Variants in ZNF141 observed in about 807,000 individuals in gnomAD.
ZNF141 encodes zinc finger protein 141.
In ZNF141, 7 loss-of-function variants were observed where a neutral mutation model predicts 11.3. The ratio of observed to expected loss-of-function variants is 0.62; its 90% confidence interval spans 0.35 to 1.16. The LOEUF is 1.16. Ranked by LOEUF, ZNF141 falls within the 50% of genes most tolerant of loss-of-function variation. The pLI is 0.02. For missense variants in ZNF141, 535 were observed against 554.0 expected (o/e 0.97, Z 0.34); for synonymous variants, 183 against 190.7 (o/e 0.96, Z 0.33).
intron 3 of ZNF141, among the ~76,000 whole-genome samples, chr4:349,205 A>G (rs73066317): frequency 0.063 from 9,552 of 152,084 alleles, 491 homozygotes; most frequent in African/African-American, 0.14. Flanking sequence ...AGCCCAAGGC[A>G]GTTGTATCAT....
chr4:381,730 C>T lies in ZNF141; in HGVS notation c.*7868C>T, dbSNP rs1348742552. ...TCAAATATGCTTTCTTAGTACTCCA[C>T]ATTTATGCAGCCATCTGGGAAGAAA... is the stretch of plus-strand genomic sequence containing the variant. On this transcript the variant is annotated 3_prime_UTR_variant, in exon 4 of 4. Coordinates refer to ENST00000240499, the MANE Select transcript of ZNF141 (RefSeq NM_003441.4). Among the ~76,000 whole-genome samples, 1 of 151,798 alleles carries T rather than the reference C, an allele frequency of 6.6e-6. No individual in the cohort carries two copies. The highest frequency in any genetic ancestry group is 1.5e-5 in the Non-Finnish European group (1 of 67,942).
intron 3 of ZNF141, among the ~76,000 whole-genome samples, chr4:354,529 TTTATC>T (rs1721759201): frequency 6.6e-6 from 1 of 152,166 alleles, no homozygotes; most frequent in Non-Finnish European, 1.5e-5. Flanking sequence ...TTCTGTGCCT[TTTATC>T]TTTTTTGTTG....
rs1173490433 is a variant in ZNF141, at chr4:375,906, G to C, written c.*2044G>C. On this transcript the variant is annotated 3_prime_UTR_variant, in exon 4 of 4. Coordinates refer to ENST00000240499, the MANE Select transcript of ZNF141 (RefSeq NM_003441.4). ...TCCATGATGAAAATCTAGCAGAGAG[G>C]CTTTTTTGTAGTTGACAATATTGAG... Among the ~76,000 whole-genome samples, 5 of 151,956 alleles carry C rather than the reference G, an allele frequency of 3.3e-5. No individual in the cohort carries two copies. Among genetic ancestry groups the C allele is most frequent in the African/African-American group, 1.2e-4 (5 of 41,398 alleles).
chr4:361,089 A>G (rs61792154), intron 3 of ZNF141, among the ~76,000 whole-genome samples: 39,814 of 152,140 alleles, frequency 0.26, 5,260 homozygotes, highest in Middle Eastern at 0.36. Context: ...GATGAAAAAC[A>G]TAAAATTGCC....
At chr4:363,312 C>T (rs1444928786) in intron 3 of ZNF141, among the ~76,000 whole-genome samples, 2 of 152,190 alleles carry the variant, frequency 1.3e-5, no homozygotes, top group Non-Finnish European at 2.9e-5. Context: ...ATCATGTCAT[C>T]TGCAAACAGG....
At chr4:362,733 C>G (rs930764562) in intron 3 of ZNF141, among the ~76,000 whole-genome samples, 6 of 152,128 alleles carry the variant, frequency 3.9e-5, no homozygotes, top group African/African-American at 1.4e-4. Flanking sequence ...TTCCATTGGT[C>G]TATATCTCTG....
In ZNF141 at chr4:375,962, T is replaced by G. The variant is rs1293451610; in HGVS notation, c.*2100T>G. Reference sequence around the variant, plus strand: ...CATGAGGTAGGTGTTCAGAGTAATATTCTTCTGCATTATAGTGAGAGAAAA... The same window carrying G: ...CATGAGGTAGGTGTTCAGAGTAATAGTCTTCTGCATTATAGTGAGAGAAAA... On this transcript the variant is annotated 3_prime_UTR_variant, in exon 4 of 4. Transcript: ENST00000240499. 2.0e-5 allele frequency among the ~76,000 whole-genome samples: 3 copies of G among 152,094 alleles called. No homozygotes were observed. Among genetic ancestry groups the G allele is most frequent in the Non-Finnish European group, 4.4e-5 (3 of 67,928 alleles).
chr4:345,768 G>C (rs73792145), intron 3 of ZNF141, among the ~76,000 whole-genome samples: 3 of 139,472 alleles, frequency 2.2e-5, no homozygotes, highest in Non-Finnish European at 4.7e-5. Context: ...AAAAATTTTT[G>C]TGATATCCTC....
intron 2 of ZNF141, 76 bp downstream of exon 2, chr4:343,984 G>A (rs1242319578): frequency 1.9e-6 from 3 of 1,539,504 alleles, no homozygotes; most frequent in Non-Finnish European, 2.6e-6. Flanking sequence ...TTTCTCCTGG[G>A]AACTTTTATG....
At chr4:352,647 C>T (rs1412739999) in intron 3 of ZNF141, among the ~76,000 whole-genome samples, 3 of 152,108 alleles carry the variant, frequency 2.0e-5, no homozygotes, top group Non-Finnish European at 2.9e-5. Flanking sequence ...GCGTTTCTTG[C>T]GGATCACAAA....
In ZNF141 at chr4:369,764, A is replaced by AT. The variant is rs34509477; in HGVS notation, c.227-2880dup. On this transcript the variant is annotated intron_variant, in intron 3 of 3. Coordinates refer to ENST00000240499, the MANE Select transcript of ZNF141 (RefSeq NM_003441.4). ...TATATATATATATATATATATATATATTTTTTTTTTTTTTTTTTTTGAGAG... is the reference window on the plus strand; with the variant it reads ...TATATATATATATATATATATATATATTTTTTTTTTTTTTTTTTTTTGAGAG... 2.4e-3 allele frequency among the ~76,000 whole-genome samples: 119 copies of AT among 48,730 alleles called. 10 individuals are homozygous for AT. Among genetic ancestry groups the AT allele is most frequent in the Non-Finnish European group, 2.2e-3 (72 of 32,500 alleles). 32.0% of individuals were successfully genotyped at this position (48,730 alleles called of 152,430 possible).
intron 1 of ZNF141, among the ~76,000 whole-genome samples, chr4:341,108 G>A (rs548185289): frequency 1.3e-5 from 2 of 149,096 alleles, no homozygotes; most frequent in East Asian, 3.9e-4. Context: ...TCGCTCTGTC[G>A]CCAGGCTGGG....
Position 373,400 on chromosome 4 carries a change from T to C in ZNF141, c.963T>C (p.Asn321=). The change falls in exon 4 of 4, where the codon AAT becomes AAC. Residue 321 remains asparagine (N), a synonymous_variant. Coordinates refer to ENST00000240499, the MANE Select transcript of ZNF141 (RefSeq NM_003441.4). ...YKCEECGKAF[N]RSTTLTKHKR... ...GTGAAGAATGTGGCAAAGCCTTTAA[T>C]AGGTCCACAACCCTTACTAAACATA... 6.2e-7 allele frequency: 1 copy of C among 1,603,822 alleles called. No homozygotes were observed. Among genetic ancestry groups the C allele is most frequent in the Non-Finnish European group, 8.5e-7 (1 of 1,176,486 alleles).
intron 3 of ZNF141, among the ~76,000 whole-genome samples, chr4:347,873 G>A (rs1721412009): frequency 1.3e-5 from 2 of 149,358 alleles, no homozygotes; most frequent in African/African-American, 4.9e-5. Context: ...TTTGGAGACA[G>A]AATTTCTGTC....
Position 374,037 on chromosome 4 carries a change from CTG to C in ZNF141, c.*177_*178del, listed in dbSNP as rs1712231539. The stretch of plus-strand genomic sequence containing the variant: ...TAAGAGAATTCATACCGGAGAGAAA[CTG>C]TACAAATGTGAAGAATATGGCAAAG... On this transcript the variant is annotated 3_prime_UTR_variant, in exon 4 of 4. Coordinates refer to ENST00000240499, the MANE Select transcript of ZNF141 (RefSeq NM_003441.4). 4 of 668,038 alleles carry C rather than the reference CTG, an allele frequency of 6.0e-6. No individual in the cohort carries two copies. Among genetic ancestry groups the C allele is most frequent in the Non-Finnish European group, 1.0e-5 (4 of 385,556 alleles). The allele number at this position is 668,038 out of a possible 1,614,324, so 41.4% of individuals were successfully genotyped here.
Position 368,714 on chromosome 4 carries a change from G to A in ZNF141, c.227-3950G>A, listed in dbSNP as rs575420310. Among the ~76,000 whole-genome samples the A allele has an allele frequency of 6.2e-4, 95 of 152,050 alleles. 1 individual carries two copies. The highest frequency in any genetic ancestry group is 2.0e-3 in the African/African-American group (83 of 41,482). On this transcript the variant is annotated intron_variant, in intron 3 of 3. Coordinates refer to ENST00000240499, the MANE Select transcript of ZNF141 (RefSeq NM_003441.4). ...ATGTGTGAGAGTTCATATTTTTGCCGGATTTTATTGATTTAGGTGTTCACC... is the reference window on the plus strand; with the variant it reads ...ATGTGTGAGAGTTCATATTTTTGCCAGATTTTATTGATTTAGGTGTTCACC...
At chr4:357,417 T>C (rs565586854) in intron 3 of ZNF141, among the ~76,000 whole-genome samples, 5 of 139,798 alleles carry the variant, frequency 3.6e-5, no homozygotes, top group Non-Finnish European at 7.7e-5. Context: ...AGACTCTGTC[T>C]CAAAAAAAAA....
chr4:338,053 CG>C (rs1490080908), intron 1 of ZNF141, 67 bp downstream of exon 1: 5 of 1,604,394 alleles, frequency 3.1e-6, no homozygotes, highest in Admixed American at 1.7e-5. Context: ...GAAATGGCGG[CG>C]GGACCGAGTC....
intron 3 of ZNF141, among the ~76,000 whole-genome samples, chr4:356,878 G>A (rs1321650842): frequency 2.0e-5 from 3 of 151,138 alleles, no homozygotes; most frequent in Non-Finnish European, 2.9e-5. Flanking sequence ...TTTCTTGTAT[G>A]TGCATCTACT....
Sources: allele counts gnomAD v4.1 joint callset (sites outside exome capture counted in the v4.1 genomes callset), GRCh38; gene constraint gnomAD v4.1.1; transcripts MANE v1.5; gene names NCBI Gene and HGNC (gene_info 2026-07-23, HGNC 2026-07-21).